TEX9: variants seen among roughly 807,000 people sequenced by gnomAD.
TEX9 encodes testis-expressed protein 9.
TEX9 carries 74 observed loss-of-function variants against 59.6 expected under a neutral mutation model. That is an observed-to-expected ratio of 1.24 (90% CI 1.03 to 1.51). TEX9 has a LOEUF of 1.51. Among genes scored for constraint, TEX9 ranks in the 40% most tolerant of loss-of-function variants. TEX9 has a pLI of 0.00. For missense variants in TEX9, 522 were observed against 447.8 expected (o/e 1.17, Z -1.49); for synonymous variants, 186 against 152.2 (o/e 1.22, Z -1.64).
chr15:56,453,176 A>G, the TEX9 span, among the ~76,000 whole-genome samples: 160 of 152,246 alleles, frequency 1.1e-3, no homozygotes, highest in Non-Finnish European at 1.8e-3. Context: ...TCATTTTGTC[A>G]TATTTTTAAC....
At chr15:56,256,414 A>AT (rs2044146291) in intron 1 of TEX9, among the ~76,000 whole-genome samples, 1 of 152,096 alleles carries the variant, frequency 6.6e-6, no homozygotes, top group South Asian at 2.1e-4. Flanking sequence ...ATACTCAGAG[A>AT]AAATGCAGCC....
At chr15:56,245,317 C>A (rs1431867211) in intron 1 of TEX9, among the ~76,000 whole-genome samples, 6 of 152,142 alleles carry the variant, frequency 3.9e-5, no homozygotes, top group African/African-American at 1.4e-4. Flanking sequence ...GGTGGGGGTG[C>A]AGGGAGGAAG....
chr15:56,351,508 C>A (rs558213050), intron 1 of TEX9, among the ~76,000 whole-genome samples: 1 of 152,226 alleles, frequency 6.6e-6, no homozygotes, highest in South Asian at 2.1e-4. Flanking sequence ...TGAAACCACC[C>A]AAGAGCTCGA....
chr15:56,364,464 T>C (rs1431535991), upstream of TEX9, among the ~76,000 whole-genome samples: 15 of 131,946 alleles, frequency 1.1e-4, no homozygotes, highest in African/African-American at 3.8e-4. Context: ...CTTTTTTCTT[T>C]TCTTTTTTTT....
intron 10 of TEX9, among the ~76,000 whole-genome samples, chr15:56,424,616 C>A (rs28555266): frequency 1.3e-5 from 2 of 152,076 alleles, no homozygotes; most frequent in African/African-American, 4.8e-5. Context: ...CAACTTCAAT[C>A]GTATATAAAG....
chr15:56,358,131 A>T (rs1421258726), intron 1 of TEX9, among the ~76,000 whole-genome samples: 1 of 152,180 alleles, frequency 6.6e-6, no homozygotes, highest in Admixed American at 6.5e-5. Context: ...GAGGTCTCAG[A>T]TTCAGCTCTT....
chr15:56,300,211 G>A (rs1356390024), intron 1 of TEX9, among the ~76,000 whole-genome samples: 1 of 151,708 alleles, frequency 6.6e-6, no homozygotes, highest in Non-Finnish European at 1.5e-5. Context: ...CTTGATCATC[G>A]CAGTAGCCAG....
intron 9 of TEX9, chr15:56,395,545 GCTGA>G (rs2048426983): frequency 6.6e-6 from 1 of 152,092 alleles, no homozygotes; most frequent in Non-Finnish European, 1.5e-5. Flanking sequence ...TTGAGGAATT[GCTGA>G]CTGTTTTCCA....
intron 3 of TEX9, chr15:56,374,655 T>A (rs2047345440): frequency 6.6e-6 from 1 of 152,180 alleles, no homozygotes; most frequent in Non-Finnish European, 1.5e-5. Context: ...TCTGACTATA[T>A]ATTTTTTTAC....
chr15:56,419,050 AG>A (rs2140208405), intron 10 of TEX9, among the ~76,000 whole-genome samples: 1 of 151,998 alleles, frequency 6.6e-6, no homozygotes, highest in Non-Finnish European at 1.5e-5. Context: ...TGTTTATTTA[AG>A]CCTTCTTCAA....
At chr15:56,297,290 C>T (rs1387626007) in intron 1 of TEX9, among the ~76,000 whole-genome samples, 1 of 152,114 alleles carries the variant, frequency 6.6e-6, no homozygotes. Flanking sequence ...TAGGGCGTCT[C>T]TTAAGTACTG....
At chr15:56,395,724 G>GATAGA in intron 9 of TEX9, 1 of 152,212 alleles carries the variant, frequency 6.6e-6, no homozygotes, top group East Asian at 1.9e-4. Flanking sequence ...AATAACTAAT[G>GATAGA]ATGTTGAACA....
chr15:56,290,745 A>G (rs1419510012), intron 1 of TEX9, among the ~76,000 whole-genome samples: 2 of 150,654 alleles, frequency 1.3e-5, no homozygotes, highest in African/African-American at 4.9e-5. Context: ...GTGAGCCACT[A>G]TGGCTGGCGA....
chr15:56,273,477 A>G (rs1157595743), intron 1 of TEX9, among the ~76,000 whole-genome samples: 1 of 152,102 alleles, frequency 6.6e-6, no homozygotes, highest in African/African-American at 2.4e-5. Flanking sequence ...ACCTTTACAC[A>G]TGTTGTAAAC....
chr15:56,349,578 A>G (rs2046536551), intron 1 of TEX9, among the ~76,000 whole-genome samples: 1 of 152,102 alleles, frequency 6.6e-6, no homozygotes, highest in South Asian at 2.1e-4. Flanking sequence ...AGCTATTAAA[A>G]TAGGAAACCC....
At chr15:56,256,510 A>T (rs878953637) in intron 1 of TEX9, among the ~76,000 whole-genome samples, 1 of 152,116 alleles carries the variant, frequency 6.6e-6, no homozygotes, top group Admixed American at 6.6e-5. Flanking sequence ...AAAATACATA[A>T]AGTAGAAGCA....
Position 56,256,765 on chromosome 15 carries a change from T to C in TEX9, c.-107+12487T>C, listed in dbSNP as rs142735653. Among the ~76,000 whole-genome samples the C allele has an allele frequency of 1.2e-3, 176 of 152,142 alleles. 1 individual carries two copies. The highest frequency in any genetic ancestry group is 3.9e-3 in the African/African-American group (164 of 41,540). On this transcript the variant is annotated intron_variant, in intron 1 of 5. Coordinates refer to the TEX9 transcript ENST00000560827. ...CTGAATTTAAGCTAATTTTTACTTA[T>C]TTATTTATTTGTTTCTTAAAAGTTT...
chr15:56,402,344 G>A (rs1416426214), intron 9 of TEX9, among the ~76,000 whole-genome samples: 1 of 152,156 alleles, frequency 6.6e-6, no homozygotes, highest in African/African-American at 2.4e-5. Context: ...TATCATCAGA[G>A]AATACTATAA....
intron 10 of TEX9, among the ~76,000 whole-genome samples, chr15:56,413,579 C>G (rs574867110): frequency 6.6e-6 from 1 of 151,502 alleles, no homozygotes; most frequent in East Asian, 1.9e-4. Context: ...CCCTGGCAAC[C>G]ACCATTGTAC....
Sources: allele counts gnomAD v4.1 joint callset (sites outside exome capture counted in the v4.1 genomes callset), GRCh38; gene constraint gnomAD v4.1.1; transcripts MANE v1.5; gene names NCBI Gene and HGNC (gene_info 2026-07-23, HGNC 2026-07-21).